The following STAU2 variants were observed in gnomAD, a reference collection of about 807,000 sequenced individuals.
The protein encoded by STAU2 is double-stranded RNA-binding protein Staufen homolog 2.
A neutral mutation model predicts 65.9 loss-of-function variants in STAU2; 20 were observed. The ratio of observed to expected loss-of-function variants is 0.30; its 90% CI spans 0.21 to 0.44. The LOEUF is 0.44. Ranked by LOEUF, STAU2 falls within the 20% of genes least tolerant of loss-of-function variation. The pLI is 1.00. For missense variants in STAU2, 558 were observed against 683.9 expected, an observed-to-expected ratio of 0.82 and a Z score of 2.05; for synonymous variants, 232 against 233.9, an observed-to-expected ratio of 0.99 and a Z score of 0.07.
At chr8:73,550,378 A>G in intron 13 of STAU2, 1 of 984,500 alleles carries the variant, frequency 1.0e-6, no homozygotes, top group Non-Finnish European at 1.2e-6. Flanking sequence ...AAATAAAAAC[A>G]AATTTAAAAA....
chr8:73,654,092 G>C (rs569658854), intron 6 of STAU2, among the ~76,000 whole-genome samples: 1 of 151,986 alleles, frequency 6.6e-6, no homozygotes, highest in South Asian at 2.1e-4. Context: ...AAATTTCATA[G>C]TTTATTTTAA....
intron 13 of STAU2, among the ~76,000 whole-genome samples, chr8:73,461,606 G>C (rs934264441): frequency 6.6e-6 from 1 of 152,156 alleles, no homozygotes; most frequent in East Asian, 1.9e-4. Flanking sequence ...GATACCACTT[G>C]CATCATGTCA....
At chr8:73,500,076 G>A (rs1244961572) in intron 13 of STAU2, among the ~76,000 whole-genome samples, 1 of 151,704 alleles carries the variant, frequency 6.6e-6, no homozygotes, top group African/African-American at 2.4e-5. Context: ...GTACCATATG[G>A]GATTCAAAAA....
intron 6 of STAU2, among the ~76,000 whole-genome samples, chr8:73,654,219 G>A (rs1816120884): frequency 6.6e-6 from 1 of 152,092 alleles, no homozygotes; most frequent in Admixed American, 6.5e-5. Context: ...CCTATACATA[G>A]TAGTAAGGTG....
At chr8:73,532,721 T>C (rs1041869642) in intron 13 of STAU2, among the ~76,000 whole-genome samples, 1 of 152,204 alleles carries the variant, frequency 6.6e-6, no homozygotes, top group Admixed American at 6.5e-5. Flanking sequence ...CTGTCACCTA[T>C]GAGGCTTCAT....
At chr8:73,664,215 G>C (rs1817063477) in intron 6 of STAU2, among the ~76,000 whole-genome samples, 1 of 151,966 alleles carries the variant, frequency 6.6e-6, no homozygotes. Context: ...ACAGAGATGG[G>C]GTTTGGTCAT....
At chr8:73,649,629 T>G (rs1273772705) in intron 6 of STAU2, among the ~76,000 whole-genome samples, 1 of 151,890 alleles carries the variant, frequency 6.6e-6, no homozygotes, top group Non-Finnish European at 1.5e-5. Flanking sequence ...ATTAACAAAC[T>G]CAACTTTAAT....
At chr8:73,590,429 T>C (rs1201325950) in intron 11 of STAU2, 1 of 152,092 alleles carries the variant, frequency 6.6e-6, no homozygotes, top group Non-Finnish European at 1.5e-5. Context: ...GGGAGCAAGA[T>C]CTTTAAAGTA....
At position 73,422,634 on chromosome 8, in the gene STAU2, G is replaced by A. The variant is rs569732203; in HGVS notation, c.1599C>T (p.Ile533=). 24 of 1,513,598 alleles carry A rather than the reference G, an allele frequency of 1.6e-5. No individual in the cohort carries two copies. Among genetic ancestry groups the A allele is most frequent in the African/African-American group, 2.8e-5 (2 of 71,612 alleles). 93.8% of individuals were successfully genotyped at this position (1,513,598 alleles called of 1,614,324 possible). The part of the protein sequence containing the change: ...GLDPIDGAMN[I]EKGSLEKQAK... ...CTCACTTTTCAAGAGAACCTTTTTC[G>A]ATATTCATTGCTCCATCGATTGGAT... is the stretch of plus-strand genomic sequence containing the variant. The change falls in exon 14 of 15, where the codon ATC becomes ATT. Residue 533 remains isoleucine, a synonymous_variant. Transcript: ENST00000524300.
intron 6 of STAU2, among the ~76,000 whole-genome samples, chr8:73,660,925 G>A (rs1364007029): frequency 6.6e-6 from 1 of 152,072 alleles, no homozygotes; most frequent in Non-Finnish European, 1.5e-5. Context: ...TTAAGCAGAT[G>A]TAAATTCTTT....
At chr8:73,602,800 A>G (rs1811730112) in intron 10 of STAU2, among the ~76,000 whole-genome samples, 1 of 152,102 alleles carries the variant, frequency 6.6e-6, no homozygotes, top group Non-Finnish European at 1.5e-5. Context: ...ACTGGGTATT[A>G]GATGATTCTA....
chr8:73,451,630 C>T (rs1479713774), intron 13 of STAU2, among the ~76,000 whole-genome samples: 1 of 151,652 alleles, frequency 6.6e-6, no homozygotes, highest in Non-Finnish European at 1.5e-5. Flanking sequence ...ACCAACTCAG[C>T]GATGCTTCCT....
intron 11 of STAU2, among the ~76,000 whole-genome samples, chr8:73,593,058 A>G (rs370001185): frequency 6.6e-6 from 1 of 151,874 alleles, no homozygotes; most frequent in Non-Finnish European, 1.5e-5. Flanking sequence ...CCTTGCATGC[A>G]TCTTATCTAC....
At chr8:73,543,960 C>G (rs1487148830) in intron 13 of STAU2, among the ~76,000 whole-genome samples, 1 of 152,158 alleles carries the variant, frequency 6.6e-6, no homozygotes, top group Non-Finnish European at 1.5e-5. Context: ...ATGTGAATGT[C>G]CCACAAGCAA....
intron 10 of STAU2, among the ~76,000 whole-genome samples, chr8:73,602,389 G>A (rs1237019640): frequency 1.3e-5 from 2 of 152,102 alleles, no homozygotes; most frequent in Non-Finnish European, 2.9e-5. Flanking sequence ...TGACTAAAAA[G>A]TTTCTGTGAC....
chr8:73,499,997 T>C (rs748850683), intron 13 of STAU2, among the ~76,000 whole-genome samples: 1 of 151,874 alleles, frequency 6.6e-6, no homozygotes, highest in African/African-American at 2.4e-5. Context: ...ATTTATCTTA[T>C]ACTTTTCCAG....
Position 73,733,751 on chromosome 8 carries a change from C to T in STAU2, c.-18+4533G>A, listed in dbSNP as rs371580593. ...TATTATAGAAACACAAAATAAAATA[C>T]CACCTTTTGTCAGACAGATAAGCAA... is the stretch of plus-strand genomic sequence containing the variant. On this transcript the variant is annotated intron_variant, in intron 3 of 14. Transcript: ENST00000524300. 2.6e-5 allele frequency among the ~76,000 whole-genome samples: 4 copies of T among 152,126 alleles called. No homozygotes were observed. The East Asian group carries it at 5.8e-4, about 22-fold the overall frequency.
intron 10 of STAU2, among the ~76,000 whole-genome samples, chr8:73,595,669 TTAA>T (rs1466942650): frequency 6.6e-6 from 1 of 152,168 alleles, no homozygotes; most frequent in Non-Finnish European, 1.5e-5. Flanking sequence ...TATATTTCAA[TTAA>T]TAAACTGAAA....
In STAU2 at chr8:73,572,522, C is replaced by T. The variant is rs1255906296; in HGVS notation, c.1222+10248G>A. On this transcript the variant is annotated intron_variant, in intron 12 of 14. Transcript: ENST00000524300. The stretch of plus-strand genomic sequence containing the variant: ...TCAATAAAATACTGGCAAACCGAAT[C>T]CAGCAACACATCAAAAAGCTTATCC... 2.0e-5 allele frequency among the ~76,000 whole-genome samples: 3 copies of T among 152,180 alleles called. No individual in the cohort carries two copies. In the East Asian group the frequency reaches 5.8e-4, roughly 29 times the overall value.
Sources: allele counts gnomAD v4.1 joint callset (sites outside exome capture counted in the v4.1 genomes callset), GRCh38; gene constraint gnomAD v4.1.1; transcripts MANE v1.5; gene names NCBI Gene and HGNC (gene_info 2026-07-23, HGNC 2026-07-21).